The following MAEA variants were observed in gnomAD, a reference collection of about 807,000 sequenced individuals.
MAEA encodes E3 ubiquitin-protein transferase MAEA.
In MAEA, 22 loss-of-function variants were observed where a neutral mutation model predicts 46.2. That is an observed-to-expected ratio of 0.48 (90% CI 0.34 to 0.68). The LOEUF (loss-of-function observed/expected upper bound fraction) is 0.68, where lower values mean the gene tolerates loss of function less well. MAEA is among the 30% of genes least tolerant of loss of function. MAEA has a pLI of 0.01. For synonymous variants in MAEA, 246 were observed against 222.6 expected (o/e 1.11, Z -0.94); for missense variants, 393 against 558.1 (o/e 0.70, Z 2.98).
Position 1,339,155 on chromosome 4 carries a change from G to T in MAEA, c.1177G>T (p.Val393Leu). ...CTTCCACTTCTCACAAGCCGAGAAG[G>T]TGTACATCATGTAGGCCCCACGTCG... is the stretch of plus-strand genomic sequence containing the variant. ...EVFHFSQAEK[V>L]YIM Residue 393 changes from valine (V) to leucine (L), a missense_variant, in exon 9 of 9, where the codon GTG becomes TTG. Coordinates refer to ENST00000303400, the MANE Select transcript of MAEA (RefSeq NM_001017405.3). The T allele has an allele frequency of 6.2e-7, 1 of 1,613,886 alleles. No homozygotes were observed. The highest frequency in any genetic ancestry group is 8.5e-7 in the Non-Finnish European group (1 of 1,179,902).
At chr4:1,310,697 C>T (rs962455115) in intron 1 of MAEA, among the ~76,000 whole-genome samples, 6 of 152,226 alleles carry the variant, frequency 3.9e-5, no homozygotes, top group Non-Finnish European at 7.3e-5. Flanking sequence ...CCCTGTCACC[C>T]GCGGTGGGTC....
chr4:1,297,184 G>A (rs1734817880), intron 1 of MAEA, among the ~76,000 whole-genome samples: 1 of 152,272 alleles, frequency 6.6e-6, no homozygotes, highest in Admixed American at 6.5e-5. Context: ...TCAGTTGACA[G>A]CGATGTCCCC....
intron 6 of MAEA, among the ~76,000 whole-genome samples, chr4:1,333,213 C>T (rs1265967411): frequency 6.6e-6 from 1 of 152,026 alleles, no homozygotes; most frequent in African/African-American, 2.4e-5. Context: ...ATAGTAGCAC[C>T]TGCCTATAGT....
At chr4:1,310,310 T>G (rs1482027090) in intron 1 of MAEA, among the ~76,000 whole-genome samples, 1 of 152,214 alleles carries the variant, frequency 6.6e-6, no homozygotes, top group Non-Finnish European at 1.5e-5. Context: ...TGAAGTGCTG[T>G]CTGCTGTGAC....
At chr4:1,334,411 G>A (rs879602585) in intron 6 of MAEA, among the ~76,000 whole-genome samples, 125 of 152,230 alleles carry the variant, frequency 8.2e-4, no homozygotes, top group Middle Eastern at 3.4e-3. Context: ...GTTCTCAGGC[G>A]TTTGGGGCAT....
Position 1,339,259 on chromosome 4 carries a change from C to T in MAEA, c.*90C>T, listed in dbSNP as rs115778312. 3.2e-3 allele frequency: 2,967 copies of T among 926,446 alleles called. 49 individuals are homozygous for T. The African/African-American group carries it at 0.04, about 12-fold the overall frequency. The allele number at this position is 926,446 out of a possible 1,614,324, so 57.4% of individuals were successfully genotyped here. A position where few individuals can be genotyped will look rare whatever the true frequency, so the allele number is the denominator to read the frequency against. On this transcript the variant is annotated 3_prime_UTR_variant, in exon 9 of 9. Coordinates refer to ENST00000303400, the MANE Select transcript of MAEA (RefSeq NM_001017405.3). ...TCCTGTCCCACGCTCCAGCCTGCCG[C>T]GGCGTTTCTGTTTCTTGCGACCAAA... is the stretch of plus-strand genomic sequence containing the variant.
At chr4:1,314,371 G>A (rs1334210700) in intron 2 of MAEA, among the ~76,000 whole-genome samples, 1 of 143,078 alleles carries the variant, frequency 7.0e-6, no homozygotes, top group East Asian at 1.9e-4. Flanking sequence ...TTCAAGAAAT[G>A]GGAAATATAA....
intron 1 of MAEA, chr4:1,310,020 C>T: frequency 8.4e-7 from 1 of 1,191,188 alleles, no homozygotes; most frequent in Non-Finnish European, 1.0e-6. Context: ...GTGTGGGTTC[C>T]TCCGCGCGAG....
At chr4:1,338,932 C>A (rs1461286551) in intron 8 of MAEA, 142 bp from the exon 9 acceptor site, 21 of 737,806 alleles carry the variant, frequency 2.8e-5, no homozygotes, top group Non-Finnish European at 4.9e-5. Context: ...CCCGGGATTT[C>A]TTTGGCAGGT....
At chr4:1,327,787 G>T in intron 5 of MAEA, 84 bp downstream of exon 5, 1 of 1,258,140 alleles carries the variant, frequency 7.9e-7, no homozygotes, top group East Asian at 2.4e-5. Context: ...TCGTGGTCTG[G>T]GTCCTGGGAC....
chr4:1,330,038 G>A, intron 5 of MAEA: 1 of 985,532 alleles, frequency 1.0e-6, no homozygotes, highest in Admixed American at 6.1e-5. Context: ...AGCGTGCTGG[G>A]CCGGGCAGGG....
At chr4:1,307,396 A>G (rs1178304899) in intron 1 of MAEA, among the ~76,000 whole-genome samples, 2 of 109,660 alleles carry the variant, frequency 1.8e-5, no homozygotes, top group Non-Finnish European at 3.9e-5. Context: ...TACCTCATAC[A>G]AGCAGAGTTA....
At chr4:1,335,481 G>A (rs1351360649) in intron 6 of MAEA, 1 of 985,172 alleles carries the variant, frequency 1.0e-6, no homozygotes, top group African/African-American at 1.7e-5. Context: ...GCCCCACAGT[G>A]TGTTGAAATC....
intron 6 of MAEA, chr4:1,334,719 C>A: frequency 8.3e-6 from 2 of 241,024 alleles, no homozygotes; most frequent in Non-Finnish European, 1.3e-5. Flanking sequence ...GGAAAATGGG[C>A]CCCGTTGCCA....
chr4:1,310,260 C>T (rs1736324436), intron 1 of MAEA, among the ~76,000 whole-genome samples: 2 of 152,332 alleles, frequency 1.3e-5, no homozygotes, highest in South Asian at 2.1e-4. Context: ...CAGTGGGTCT[C>T]GTTGAGCTCG....
At chr4:1,332,256 G>A (rs1168471772) in intron 5 of MAEA, 2 of 154,244 alleles carry the variant, frequency 1.3e-5, no homozygotes, top group Non-Finnish European at 2.9e-5. Context: ...GTGTGGCTTG[G>A]GTGCCCTGGT....
At chr4:1,305,647 C>T (rs1735754490) in intron 1 of MAEA, among the ~76,000 whole-genome samples, 1 of 152,182 alleles carries the variant, frequency 6.6e-6, no homozygotes, top group Admixed American at 6.5e-5. Context: ...GTGGTGGCGG[C>T]CTCTTGACTT....
At chr4:1,297,147 C>G (rs1172979998) in intron 1 of MAEA, among the ~76,000 whole-genome samples, 3 of 152,254 alleles carry the variant, frequency 2.0e-5, no homozygotes, top group Admixed American at 6.5e-5. Context: ...AGCCCCAGAC[C>G]TGCCTTACTA....
intron 3 of MAEA, among the ~76,000 whole-genome samples, chr4:1,318,606 C>T (rs17742599): frequency 0.092 from 13,996 of 152,126 alleles, 901 homozygotes; most frequent in Middle Eastern, 0.14. Context: ...TGAGATGCTC[C>T]GGAGGGCGTT....
Sources: gnomAD v4.1 joint callset for allele counts (sites outside exome capture counted in the v4.1 genomes callset) on GRCh38, gnomAD v4.1.1 for gene constraint, MANE v1.5 for transcripts, NCBI Gene and HGNC (gene_info 2026-07-23, HGNC 2026-07-21) for gene names.